Variants in GRIK4 observed in about 807,000 individuals in gnomAD.
GRIK4 encodes glutamate receptor ionotropic, kainate 4.
In GRIK4, 40 loss-of-function variants were observed where a neutral mutation model predicts 104.9. The ratio of observed to expected loss-of-function variants is 0.38; its 90% CI spans 0.30 to 0.50. The LOEUF is 0.50. Among genes scored for constraint, GRIK4 ranks in the 20% least tolerant of loss-of-function variants. GRIK4 has a pLI of 0.93. For synonymous variants in GRIK4, 485 were observed against 524.9 expected (o/e 0.92, Z 1.04); for missense variants, 1,047 against 1,308.1 (o/e 0.80, Z 3.08).
intron 3 of GRIK4, among the ~76,000 whole-genome samples, chr11:120,796,242 A>G (rs1194144203): frequency 2.0e-5 from 3 of 151,958 alleles, no homozygotes; most frequent in East Asian, 3.9e-4. Flanking sequence ...TCACCATGTT[A>G]GCCAAGATGG....
In GRIK4 at chr11:120,964,767, C is replaced by A. The variant is rs1396053598; in HGVS notation, c.2266+2086C>A. On this transcript the variant is annotated intron_variant, in intron 18 of 20. Coordinates refer to ENST00000527524, the MANE Select transcript of GRIK4 (RefSeq NM_014619.5). ...TTCACATGTTCTCTCACTTAATAGT[C>A]CCCCCTGCAAGATAGATGTGGTTAT... Among the ~76,000 whole-genome samples, 4 of 151,410 alleles carry A rather than the reference C, an allele frequency of 2.6e-5. No individual in the cohort carries two copies. In the East Asian group the frequency reaches 7.7e-4, roughly 29 times the overall value.
intron 1 of GRIK4, chr11:120,620,014 GTTA>G: frequency 5.6e-6 from 3 of 534,288 alleles, no homozygotes; most frequent in Non-Finnish European, 1.0e-5. Context: ...CGGTGGAGCT[GTTA>G]GCGTAGTGAA....
intron 1 of GRIK4, among the ~76,000 whole-genome samples, chr11:120,650,807 G>T (rs1776897593): frequency 6.6e-6 from 1 of 152,190 alleles, no homozygotes; most frequent in African/African-American, 2.4e-5. Flanking sequence ...TCTTGGGTAT[G>T]GGAACAACAT....
At chr11:120,893,209 C>T (rs1181867636) in intron 11 of GRIK4, among the ~76,000 whole-genome samples, 3 of 152,206 alleles carry the variant, frequency 2.0e-5, no homozygotes, top group Non-Finnish European at 4.4e-5. Context: ...AATAATTAAA[C>T]TCTCCCAAAT....
chr11:120,628,100 A>G (rs1169803157), intron 1 of GRIK4, among the ~76,000 whole-genome samples: 1 of 152,124 alleles, frequency 6.6e-6, no homozygotes, highest in African/African-American at 2.4e-5. Context: ...CCGGGGTGCT[A>G]ATGCTCTGCT....
intron 14 of GRIK4, among the ~76,000 whole-genome samples, chr11:120,947,887 G>A (rs564346722): frequency 3.5e-4 from 53 of 152,310 alleles, no homozygotes; most frequent in African/African-American, 1.3e-3. Flanking sequence ...GGATTAGAAT[G>A]TAGGTCTCCT....
At chr11:120,546,578 A>T (rs1948087449) in intron 1 of GRIK4, among the ~76,000 whole-genome samples, 1 of 152,100 alleles carries the variant, frequency 6.6e-6, no homozygotes, top group Non-Finnish European at 1.5e-5. Flanking sequence ...GCACTGTGAG[A>T]GGGCTGCTCA....
At chr11:120,654,554 G>C (rs1302949949) in intron 2 of GRIK4, among the ~76,000 whole-genome samples, 2 of 151,978 alleles carry the variant, frequency 1.3e-5, no homozygotes, top group African/African-American at 4.8e-5. Context: ...GTAGTGACCG[G>C]GTTTCACCAT....
intron 6 of GRIK4, among the ~76,000 whole-genome samples, chr11:120,820,203 G>A (rs891064078): frequency 5.9e-5 from 9 of 152,210 alleles, no homozygotes; most frequent in Admixed American, 5.9e-4. Flanking sequence ...GACTCCCTGG[G>A]CATGAGTGGA....
intron 3 of GRIK4, among the ~76,000 whole-genome samples, chr11:120,685,300 A>T (rs1446983962): frequency 6.6e-6 from 1 of 152,192 alleles, no homozygotes; most frequent in African/African-American, 2.4e-5. Context: ...CTCCAGTCCT[A>T]TCCCAGAGGT....
At chr11:120,854,403 A>C (rs1332997621) in intron 8 of GRIK4, among the ~76,000 whole-genome samples, 1 of 152,268 alleles carries the variant, frequency 6.6e-6, no homozygotes, top group African/African-American at 2.4e-5. Context: ...GTTATAACCC[A>C]AATGGGTGCA....
At chr11:120,600,312 G>GT (rs1471067475) in intron 1 of GRIK4, among the ~76,000 whole-genome samples, 3 of 152,154 alleles carry the variant, frequency 2.0e-5, no homozygotes, top group Non-Finnish European at 2.9e-5. Flanking sequence ...GGGCAAGAGA[G>GT]TAAGAGGTTT....
chr11:120,625,158 C>T (rs1002361728), intron 1 of GRIK4, among the ~76,000 whole-genome samples: 2 of 152,072 alleles, frequency 1.3e-5, no homozygotes, highest in Non-Finnish European at 2.9e-5. Context: ...ACCTGTAGTC[C>T]CAGCTACTCG....
At chr11:120,914,490 G>A (rs568272773) in intron 13 of GRIK4, among the ~76,000 whole-genome samples, 1 of 152,182 alleles carries the variant, frequency 6.6e-6, no homozygotes, top group South Asian at 2.1e-4. Context: ...CAGGAGTAGG[G>A]AAGAGCTCAC....
intron 3 of GRIK4, among the ~76,000 whole-genome samples, chr11:120,709,308 C>T (rs1354367234): frequency 6.6e-6 from 1 of 151,898 alleles, no homozygotes; most frequent in African/African-American, 2.4e-5. Context: ...CAGTTCCGCT[C>T]ACCTCCGTTG....
intron 1 of GRIK4, among the ~76,000 whole-genome samples, chr11:120,540,602 A>C (rs903829328): frequency 1.3e-5 from 2 of 152,168 alleles, no homozygotes; most frequent in African/African-American, 2.4e-5. Context: ...CAACAGAGTG[A>C]GACTCCATCT....
At chr11:120,591,875 C>G (rs890645553) in intron 1 of GRIK4, among the ~76,000 whole-genome samples, 2 of 152,204 alleles carry the variant, frequency 1.3e-5, no homozygotes, top group African/African-American at 4.8e-5. Context: ...TCTGTATTTG[C>G]ATCGGCACAG....
chr11:120,695,417 A>G (rs948800499), intron 3 of GRIK4, among the ~76,000 whole-genome samples: 8 of 152,232 alleles, frequency 5.3e-5, no homozygotes, highest in African/African-American at 1.9e-4. Context: ...CTTCGAAGAC[A>G]CACATTTCAT....
At chr11:120,703,976 C>G (rs1950592066) in intron 3 of GRIK4, among the ~76,000 whole-genome samples, 1 of 152,164 alleles carries the variant, frequency 6.6e-6, no homozygotes. Flanking sequence ...AATGGCTAAA[C>G]TTAGAACCAC....
Sources: gnomAD v4.1 joint callset for allele counts (sites outside exome capture counted in the v4.1 genomes callset) on GRCh38, gnomAD v4.1.1 for gene constraint, MANE v1.5 for transcripts, NCBI Gene and HGNC (gene_info 2026-07-23, HGNC 2026-07-21) for gene names.